Variants in FLNC observed in about 807,000 individuals in gnomAD.
FLNC encodes the protein filamin-C.
A neutral mutation model predicts 254.3 loss-of-function variants in FLNC; 91 were observed. The ratio of observed to expected loss-of-function variants is 0.36; its 90% CI spans 0.30 to 0.43. FLNC has a LOEUF of 0.43. Among genes scored for constraint, FLNC ranks in the 20% least tolerant of loss-of-function variants. The pLI is 1.00. For missense variants in FLNC, 2,853 were observed against 3,802.6 expected, an observed-to-expected ratio of 0.75 and a Z score of 6.57; for synonymous variants, 1,430 against 1,577.2, an observed-to-expected ratio of 0.91 and a Z score of 2.21.
rs776119909 is a variant in FLNC, at chr7:128,846,890, G to A, written c.4273G>A (p.Gly1425Arg). The change falls in exon 24 of 48, where the codon GGG (glycine) becomes AGG (arginine). Residue 1425 changes from glycine (G) to arginine (R), a missense_variant. Around this residue, in one of 10 missense-constraint regions of FLNC, gnomAD observed 1,573 missense variants for 1,883.5 expected, o/e 0.84. Coordinates refer to ENST00000325888, the MANE Select transcript of FLNC (RefSeq NM_001458.5). Reference protein sequence around the residue: ...GDYDVNITFGGRPIPGSPFRV... With the variant: ...GDYDVNITFGRRPIPGSPFRV... Reference sequence around the variant, plus strand: ...CTATGACGTCAACATCACCTTCGGGGGGCGGCCCATCCCAGGTGTGCAGAG... The same window carrying A: ...CTATGACGTCAACATCACCTTCGGGAGGCGGCCCATCCCAGGTGTGCAGAG... The A allele has an allele frequency of 6.2e-7, 1 of 1,614,220 alleles. No homozygotes were observed. The highest frequency in any genetic ancestry group is 8.5e-7 in the Non-Finnish European group (1 of 1,180,032).
rs747821376 is a variant in FLNC, at chr7:128,849,322, G to T, written c.4952-9G>T. On this transcript the variant is annotated splice_polypyrimidine_tract_variant and intron_variant, in intron 29 of 47. Coordinates refer to ENST00000325888, the MANE Select transcript of FLNC (RefSeq NM_001458.5). ...ACCAGCTCCCTGAGCAGGATCTCCC[G>T]CATGGCAGGTGCCTGCCTGGGCCCT... 2.3e-4 allele frequency: 372 copies of T among 1,613,990 alleles called. No homozygotes were observed. Among genetic ancestry groups the T allele is most frequent in the Non-Finnish European group, 3.1e-4 (361 of 1,180,036 alleles).
At position 128,856,156 on chromosome 7, in the gene FLNC, C is replaced by T. The variant is rs1809047397; in HGVS notation, c.7252-362C>T. On this transcript the variant is annotated intron_variant, in intron 43 of 47. Transcript: ENST00000325888. This position sits in a 1 kb window ranked among gnomAD's most constrained non-coding sequence, Gnocchi z 5.9. ...TCTCCCAGGCCAGGCCAGTGAAACT[C>T]AGCTTCCTACCTCAGAGCTCTCTGG... Among the ~76,000 whole-genome samples, 1 of 152,224 alleles carries T rather than the reference C, an allele frequency of 6.6e-6. No homozygotes were observed. The highest frequency in any genetic ancestry group is 2.4e-5 in the African/African-American group (1 of 41,464).
chr7:128,847,658 A>G, intron 24 of FLNC, 39 bp from the exon 25 acceptor site: 1 of 1,613,148 alleles, frequency 6.2e-7, no homozygotes, highest in Non-Finnish European at 8.5e-7. Flanking sequence ...GGGACCCATC[A>G]GGGCTGGTGG....
Position 128,841,391 on chromosome 7 carries a change from C to G in FLNC, c.2007+28C>G. On this transcript the variant is annotated intron_variant, in intron 12 of 47. Coordinates refer to ENST00000325888, the MANE Select transcript of FLNC (RefSeq NM_001458.5). The surrounding 1 kb of genome is among the most constrained non-coding windows in gnomAD (Gnocchi z 4.3). ...GTGGTCCCAGCTCACACACACCTGC[C>G]CCGGGGGTGGGGCAAGCTGGTTCTC... 1 of 1,613,666 alleles carries G rather than the reference C, an allele frequency of 6.2e-7. No homozygotes were observed. The highest frequency in any genetic ancestry group is 8.5e-7 in the Non-Finnish European group (1 of 1,179,626).
rs777337698 is a variant in FLNC, at chr7:128,854,492, C to T, written c.6807C>T (p.Gly2269=). 7 of 1,605,626 alleles carry T rather than the reference C, an allele frequency of 4.4e-6. No individual in the cohort carries two copies. The highest frequency in any genetic ancestry group is 2.2e-5 in the East Asian group (1 of 44,574). Residue 2269 remains glycine (G), a synonymous_variant, in exon 41 of 48, where the codon GGC becomes GGT. Coordinates refer to ENST00000325888, the MANE Select transcript of FLNC (RefSeq NM_001458.5). ...GKVEAAEIVE[G]EDSAYSVRFV... is the part of the protein sequence containing the mutation. Reference sequence around the variant, plus strand: ...TGGAAGCCGCAGAGATCGTCGAGGGCGAGGACAGCGCCTACAGCGTGCGCT... The same window carrying T: ...TGGAAGCCGCAGAGATCGTCGAGGGTGAGGACAGCGCCTACAGCGTGCGCT...
chr7:128,856,750 C>T lies in FLNC; in HGVS notation c.7390C>T (p.His2464Tyr). ...CACCAACCCTTTATCCACAGACAAG[C>T]ACACCATCCGCTTCATCCCCCACGA... ...CYVSELDSDK[H>Y]TIRFIPHENG... is the part of the protein sequence containing the mutation. The change falls in exon 45 of 48, where the codon CAC becomes TAC. Residue 2464 changes from histidine to tyrosine, a missense_variant. Physicochemically the swap from His to Tyr is moderately conservative, Grantham distance 83 (BLOSUM62 2). Around this residue, in one of 10 missense-constraint regions of FLNC, gnomAD observed 47 missense variants for 40.3 expected, o/e 1.17. Transcript: ENST00000325888. This position sits in a 1 kb window ranked among gnomAD's most constrained non-coding sequence, Gnocchi z 5.9. 6.2e-7 allele frequency: 1 copy of T among 1,614,188 alleles called. No homozygotes were observed. The highest frequency in any genetic ancestry group is 8.5e-7 in the Non-Finnish European group (1 of 1,180,038).
chr7:128,839,971 AGTGGTC>A, intron 8 of FLNC, 46 bp from the exon 9 acceptor site: 1 of 1,599,530 alleles, frequency 6.3e-7, no homozygotes, highest in Non-Finnish European at 8.5e-7. Context: ...GGTGGGGGCT[AGTGGTC>A]CAAGGCCCCT....
rs770563228 is a variant in FLNC, at chr7:128,854,934, G to A, written c.7135+22G>A. On this transcript the variant is annotated intron_variant, in intron 42 of 47. Transcript: ENST00000325888. ...CCAGGTGGGCGTCCACACTGGCAGT[G>A]GGGCTGGGCCTGCCTGACCTTCCAG... is the stretch of plus-strand genomic sequence containing the variant. 22 of 1,613,036 alleles carry A rather than the reference G, an allele frequency of 1.4e-5. No individual in the cohort carries two copies. In the East Asian group the frequency reaches 4.2e-4, roughly 31 times the overall value.
rs769408225 is a variant in FLNC at position 128,840,507 on chromosome 7, A to G, written c.1550-41A>G. On this transcript the variant is annotated intron_variant, in intron 9 of 47. Coordinates refer to ENST00000325888, the MANE Select transcript of FLNC (RefSeq NM_001458.5). ...ATTGAGGAGCTGGGACTTCAAGGATATTGATCTGCCTTCTTCCCCACCCTG... is the reference window on the plus strand; with the variant it reads ...ATTGAGGAGCTGGGACTTCAAGGATGTTGATCTGCCTTCTTCCCCACCCTG... The G allele has an allele frequency of 3.1e-6, 5 of 1,613,684 alleles. No homozygotes were observed. In the African/African-American group the frequency reaches 5.3e-5, roughly 17 times the overall value.
At chr7:128,848,527 C>G in intron 26 of FLNC, 34 bp from the exon 27 acceptor site, 1 of 1,612,602 alleles carries the variant, frequency 6.2e-7, no homozygotes. Context: ...GTCCATGCCA[C>G]CCAGCCAACT....
intron 29 of FLNC, 42 bp from the exon 30 acceptor site, chr7:128,849,289 T>C (rs551860112): frequency 6.2e-7 from 1 of 1,613,978 alleles, no homozygotes; most frequent in African/African-American, 1.3e-5. Flanking sequence ...GAGGGCTGGC[T>C]CCAGCCCACC....
At position 128,841,648 on chromosome 7, in the gene FLNC, C is replaced by T. The variant is rs1808340695; in HGVS notation, c.2121+81C>T. ...GGCAGGGCCAGGCCAGAGGCAGAGG[C>T]CTCCCAGCAGGAAATGACAGCATCA... On this transcript the variant is annotated intron_variant, in intron 13 of 47. Transcript: ENST00000325888. The surrounding 1 kb of genome is among the most constrained non-coding windows in gnomAD (Gnocchi z 4.3). 2.0e-6 allele frequency: 2 copies of T among 1,021,432 alleles called. No homozygotes were observed. The highest frequency in any genetic ancestry group is 1.7e-5 in the Admixed American group (1 of 58,604). The allele number at this position is 1,021,432 out of a possible 1,614,324, so 63.3% of individuals were successfully genotyped here.
At chr7:128,846,226 T>C (rs1464149963) in intron 22 of FLNC, 63 bp downstream of exon 22, 4 of 1,505,194 alleles carry the variant, frequency 2.7e-6, no homozygotes, top group Middle Eastern at 1.7e-4. Context: ...CGGGATCTGA[T>C]GATATTGCCC....
rs749330012 is a variant in FLNC, at chr7:128,843,599, C to T, written c.2811+22C>T. ...GCAGGTGCGCTCTGCCCCTCCCATG[C>T]TACCGCCCGGCCGGCCCGCCAGAGC... On this transcript the variant is annotated intron_variant, in intron 18 of 47. Coordinates refer to ENST00000325888, the MANE Select transcript of FLNC (RefSeq NM_001458.5). The T allele has an allele frequency of 4.3e-6, 7 of 1,613,386 alleles. No homozygotes were observed. The Admixed American group carries it at 1.2e-4, about 27-fold the overall frequency.
Position 128,842,982 on chromosome 7 carries a change from G to A in FLNC, c.2550+28G>A, listed in dbSNP as rs749039172. On this transcript the variant is annotated intron_variant, in intron 16 of 47. Coordinates refer to ENST00000325888, the MANE Select transcript of FLNC (RefSeq NM_001458.5). This position sits in a 1 kb window ranked among gnomAD's most constrained non-coding sequence, Gnocchi z 5.4. ...ACCTAAGCTCCTGGGTACTCACAGC[G>A]ACATGCACCTGCCAGCTCCAGAAGG... 8.1e-6 allele frequency: 13 copies of A among 1,612,506 alleles called. No individual in the cohort carries two copies. Among genetic ancestry groups the A allele is most frequent in the Admixed American group, 1.7e-5 (1 of 59,964 alleles).
intron 1 of FLNC, among the ~76,000 whole-genome samples, chr7:128,833,449 G>C (rs969027102): frequency 2.6e-5 from 4 of 152,200 alleles, no homozygotes; most frequent in African/African-American, 4.8e-5. Context: ...CCTGGCCTCC[G>C]AGAGGGAGGA....
chr7:128,844,803 G>A lies in FLNC; in HGVS notation c.3338G>A (p.Gly1113Asp). 1 of 1,614,150 alleles carries A rather than the reference G, an allele frequency of 6.2e-7. No homozygotes were observed. The highest frequency in any genetic ancestry group is 2.2e-5 in the East Asian group (1 of 44,890). The change falls in exon 21 of 48, where the codon GGT becomes GAT. Residue 1113 changes from glycine to aspartate, a missense_variant. By Grantham distance (94) the Gly-to-Asp change is moderately conservative. This residue lies in a region of FLNC where 1,573 missense variants were observed against 1,883.5 expected (regional missense o/e 0.84). Coordinates refer to ENST00000325888, the MANE Select transcript of FLNC (RefSeq NM_001458.5). ...CEAKIECQDN[G>D]DGSCAVSYLP... is the part of the protein sequence containing the mutation. ...GCCAAGATCGAGTGCCAGGACAATG[G>A]TGATGGCTCATGTGCTGTCAGCTAC... is the stretch of plus-strand genomic sequence containing the variant.
intron 37 of FLNC, 86 bp downstream of exon 37, chr7:128,853,117 C>T (rs1808894991): frequency 1.5e-6 from 2 of 1,316,894 alleles, no homozygotes; most frequent in South Asian, 2.4e-5. Context: ...CCCTTGGCCG[C>T]ACTCTCTCCT....
Position 128,840,129 on chromosome 7 carries a change from C to T in FLNC, c.1518C>T (p.Ser506=), listed in dbSNP as rs368101036. Residue 506 remains serine, a synonymous_variant, in exon 9 of 48, where the codon AGC becomes AGT. Coordinates refer to ENST00000325888, the MANE Select transcript of FLNC (RefSeq NM_001458.5). ...AGGTGTTTACCAAGGGTGCCGGCAG[C>T]GGGGAGCTCAAGGTCACGGTCAAGG... ...DFKVFTKGAG[S]GELKVTVKGP... The T allele has an allele frequency of 3.1e-4, 502 of 1,614,004 alleles. 4 individuals are homozygous for T. The South Asian group carries it at 4.4e-3, about 14-fold the overall frequency.
Sources: allele counts gnomAD v4.1 joint callset (sites outside exome capture counted in the v4.1 genomes callset), GRCh38; gene constraint gnomAD v4.1.1; regional missense constraint gnomAD v4.1.1; non-coding constraint Gnocchi (gnomAD v3.1); transcripts MANE v1.5; gene names NCBI Gene and HGNC (gene_info 2026-07-23, HGNC 2026-07-21).